KIF2A: variants seen among roughly 807,000 people sequenced by gnomAD.
The protein encoded by KIF2A is kinesin family member 2A.
KIF2A carries 22 observed loss-of-function variants against 100.2 expected under a neutral mutation model. The observed-to-expected ratio is 0.22, with a 90% CI of 0.16 to 0.31. The LOEUF is 0.31. Among genes scored for constraint, KIF2A ranks in the 10% least tolerant of loss-of-function variants. The pLI is 1.00. For synonymous variants in KIF2A, 268 were observed against 285.9 expected, an observed-to-expected ratio of 0.94 and a Z score of 0.63; for missense variants, 495 against 898.7, an observed-to-expected ratio of 0.55 and a Z score of 5.74.
chr5:62,311,956 A>C (rs1428585211), intron 1 of KIF2A: 1 of 152,244 alleles, frequency 6.6e-6, no homozygotes, highest in Non-Finnish European at 1.5e-5. Flanking sequence ...TGCCAAGATC[A>C]CATGGTTAAT....
chr5:62,328,322 T>TTG (rs1228952450), intron 1 of KIF2A, among the ~76,000 whole-genome samples: 2 of 149,828 alleles, frequency 1.3e-5, no homozygotes, highest in African/African-American at 4.9e-5. Context: ...ACTGTGTGGT[T>TTG]TTTTTTTTTT....
Position 62,386,168 on chromosome 5 carries a change from C to A in KIF2A, c.*599C>A, listed in dbSNP as rs1379422996. 1 of 152,734 alleles carries A rather than the reference C, an allele frequency of 6.5e-6. No homozygotes were observed. The highest frequency in any genetic ancestry group is 1.9e-4 in the East Asian group (1 of 5,204). The allele number at this position is 152,734 out of a possible 1,614,324, so 9.5% of individuals were successfully genotyped here. A position where few individuals can be genotyped will look rare whatever the true frequency, so the allele number is the denominator to read the frequency against. On this transcript the variant is annotated 3_prime_UTR_variant, in exon 21 of 21. Transcript: ENST00000407818. ...TATTTGAGACATTTTTTGTGTGTGA[C>A]TAGTTAATTTTGCAGGATGTGCCAT...
At chr5:62,318,088 C>CT (rs1285762833) in intron 1 of KIF2A, among the ~76,000 whole-genome samples, 503 of 144,874 alleles carry the variant, frequency 3.5e-3, no homozygotes, top group African/African-American at 9.7e-3. Context: ...ATTTAGTGGA[C>CT]TTTTTTTTTT....
intron 1 of KIF2A, among the ~76,000 whole-genome samples, chr5:62,323,960 A>G (rs1746236127): frequency 6.6e-6 from 1 of 151,926 alleles, no homozygotes; most frequent in Admixed American, 6.6e-5. Flanking sequence ...CTTGAGCCCC[A>G]GAGGTTGAGG....
In KIF2A at chr5:62,325,149, G is replaced by C. The variant is rs191115388; in HGVS notation, c.64+18613G>C. Among the ~76,000 whole-genome samples the C allele has an allele frequency of 1.4e-3, 208 of 151,776 alleles. 1 individual carries two copies. Among genetic ancestry groups the C allele is most frequent in the African/African-American group, 4.8e-3 (200 of 41,366 alleles). ...TCTTTTCTTTTCTTTTTTTGAGACA[G>C]AGTCTCGCTCTGTCACCCAGGCTCG... On this transcript the variant is annotated intron_variant, in intron 1 of 20. Coordinates refer to ENST00000407818, the MANE Select transcript of KIF2A (RefSeq NM_001098511.3).
chr5:62,341,584 G>C (rs908771512), intron 1 of KIF2A, among the ~76,000 whole-genome samples: 2 of 152,118 alleles, frequency 1.3e-5, no homozygotes, highest in African/African-American at 4.8e-5. Context: ...TCACAGGTGT[G>C]AGCCACTGTG....
intron 9 of KIF2A, among the ~76,000 whole-genome samples, chr5:62,359,680 TTC>T (rs1269859386): frequency 1.3e-5 from 2 of 152,202 alleles, no homozygotes; most frequent in Non-Finnish European, 2.9e-5. Context: ...ACAGGCATGT[TTC>T]TGTGTGTATG....
intron 16 of KIF2A, among the ~76,000 whole-genome samples, chr5:62,369,562 C>T (rs1644040102): frequency 6.6e-6 from 1 of 152,154 alleles, no homozygotes; most frequent in African/African-American, 2.4e-5. Context: ...GACAGAAAGC[C>T]TAACCATATC....
intron 1 of KIF2A, among the ~76,000 whole-genome samples, chr5:62,346,550 C>T (rs1037869235): frequency 2.6e-5 from 4 of 152,006 alleles, no homozygotes; most frequent in South Asian, 2.1e-4. Context: ...TACCAGCCTG[C>T]GCGATATGGT....
intron 1 of KIF2A, 110 bp downstream of exon 1, chr5:62,306,646 T>A: frequency 1.1e-6 from 1 of 899,202 alleles, no homozygotes; most frequent in Non-Finnish European, 1.7e-6. Context: ...GCTGTGGGGG[T>A]GGGAAGGCGG....
At chr5:62,318,960 G>T (rs1745967987) in intron 1 of KIF2A, among the ~76,000 whole-genome samples, 2 of 152,086 alleles carry the variant, frequency 1.3e-5, no homozygotes, top group African/African-American at 2.4e-5. Context: ...TCAGAAACTT[G>T]GTTGTCTTCC....
At chr5:62,371,796 A>G (rs1394433475) in intron 16 of KIF2A, among the ~76,000 whole-genome samples, 2 of 152,246 alleles carry the variant, frequency 1.3e-5, no homozygotes, top group Non-Finnish European at 2.9e-5. Flanking sequence ...GAGAAAAGTC[A>G]TAATTTGGTT....
rs1295855748 is a variant in KIF2A, at chr5:62,390,772, C to T, written c.*5203C>T. The T allele has an allele frequency of 1.4e-5, 13 of 907,892 alleles. No individual in the cohort carries two copies. Among genetic ancestry groups the T allele is most frequent in the Non-Finnish European group, 2.4e-5 (13 of 553,124 alleles). 56.2% of individuals were successfully genotyped at this position (907,892 alleles called of 1,614,324 possible). On this transcript the variant is annotated 3_prime_UTR_variant, in exon 21 of 21. Coordinates refer to ENST00000407818, the MANE Select transcript of KIF2A (RefSeq NM_001098511.3). ...GCCATGGAAGTGCTATGCAATAACTCTCCCAGGTAGCACCTTATACCGCTT... is the reference window on the plus strand; with the variant it reads ...GCCATGGAAGTGCTATGCAATAACTTTCCCAGGTAGCACCTTATACCGCTT...
chr5:62,365,096 A>G (rs1388023346), intron 14 of KIF2A, 147 bp from the exon 15 acceptor site: 2 of 448,922 alleles, frequency 4.5e-6, no homozygotes, highest in Middle Eastern at 4.7e-4. Context: ...TTGTCTCAAA[A>G]AAAAAATAAA....
At chr5:62,327,089 C>G (rs1391815483) in intron 1 of KIF2A, among the ~76,000 whole-genome samples, 1 of 152,190 alleles carries the variant, frequency 6.6e-6, no homozygotes, top group Non-Finnish European at 1.5e-5. Context: ...CACTTAGCTT[C>G]TGTGACTACT....
intron 1 of KIF2A, among the ~76,000 whole-genome samples, chr5:62,334,150 T>G (rs951200446): frequency 6.6e-6 from 1 of 152,030 alleles, no homozygotes. Flanking sequence ...ATTTGTACTT[T>G]CTGCCAGCAC....
At chr5:62,379,923 G>A (rs1203525153) in intron 19 of KIF2A, among the ~76,000 whole-genome samples, 2 of 152,000 alleles carry the variant, frequency 1.3e-5, no homozygotes, top group Non-Finnish European at 2.9e-5. Flanking sequence ...AGACAGTCTC[G>A]CTCTGTCGCC....
intron 1 of KIF2A, among the ~76,000 whole-genome samples, chr5:62,317,834 C>A (rs1446156274): frequency 6.6e-6 from 1 of 152,190 alleles, no homozygotes; most frequent in Admixed American, 6.5e-5. Context: ...AGCTATTGCA[C>A]TCAGTACAAA....
chr5:62,356,199 A>T (rs542929458), intron 7 of KIF2A, among the ~76,000 whole-genome samples: 1 of 152,238 alleles, frequency 6.6e-6, no homozygotes, highest in Non-Finnish European at 1.5e-5. Context: ...TGTTAGATAG[A>T]TGTATTATAT....
Sources: gnomAD v4.1 joint callset for allele counts (sites outside exome capture counted in the v4.1 genomes callset) on GRCh38, gnomAD v4.1.1 for gene constraint, MANE v1.5 for transcripts, NCBI Gene and HGNC (gene_info 2026-07-23, HGNC 2026-07-21) for gene names.